The following AKAP12 variants were observed in gnomAD, a reference collection of about 807,000 sequenced individuals.
AKAP12 encodes the protein A-kinase anchoring protein 12.
Under a neutral mutation model 79.9 loss-of-function variants are expected in AKAP12, and 32 were observed. That is an observed-to-expected ratio of 0.40 (90% CI 0.30 to 0.54). The LOEUF (loss-of-function observed/expected upper bound fraction) is 0.54, where lower values mean the gene tolerates loss of function less well. AKAP12 is among the 20% of genes least tolerant of loss of function. The pLI, the probability that AKAP12 is intolerant of heterozygous loss-of-function variation, is 0.48. For synonymous variants in AKAP12, 808 were observed against 857.0 expected, an observed-to-expected ratio of 0.94 and a Z score of 1.00; for missense variants, 2,074 against 2,177.0, an observed-to-expected ratio of 0.95 and a Z score of 0.94.
chr6:151,271,264 C>A (rs1776175673), intron 2 of AKAP12, among the ~76,000 whole-genome samples: 1 of 152,022 alleles, frequency 6.6e-6, no homozygotes, highest in African/African-American at 2.4e-5. Flanking sequence ...AGCATCGTCT[C>A]CTGGGAATAT....
At chr6:151,307,964 C>T (rs1777010892) in intron 3 of AKAP12, among the ~76,000 whole-genome samples, 1 of 152,016 alleles carries the variant, frequency 6.6e-6, no homozygotes, top group African/African-American at 2.4e-5. Flanking sequence ...TCCCCGCGCA[C>T]ATCCCCCGCC....
At chr6:151,264,512 A>G (rs532017356) in intron 2 of AKAP12, among the ~76,000 whole-genome samples, 2 of 151,820 alleles carry the variant, frequency 1.3e-5, no homozygotes, top group South Asian at 4.2e-4. Context: ...CTCTACTAAA[A>G]ATAGAAAAAT....
At chr6:151,335,627 C>T (rs1039171076) in intron 3 of AKAP12, among the ~76,000 whole-genome samples, 4 of 152,106 alleles carry the variant, frequency 2.6e-5, no homozygotes, top group Non-Finnish European at 4.4e-5. Context: ...TGCACCACCA[C>T]GCCCAGCTAA....
chr6:151,283,872 A>T (rs1776451882), intron 2 of AKAP12, among the ~76,000 whole-genome samples: 1 of 152,136 alleles, frequency 6.6e-6, no homozygotes, highest in African/African-American at 2.4e-5. Context: ...AAGACATTTC[A>T]CATCGACCCA....
At chr6:151,343,625 A>G (rs532486142) in intron 3 of AKAP12, among the ~76,000 whole-genome samples, 2 of 152,246 alleles carry the variant, frequency 1.3e-5, no homozygotes, top group African/African-American at 4.8e-5. Flanking sequence ...CTGTACAAAA[A>G]ATACAAAAAT....
Position 151,246,157 on chromosome 6 carries a change from G to A in AKAP12, c.162+5433G>A, listed in dbSNP as rs1398143915. Among the ~76,000 whole-genome samples, 4 of 152,164 alleles carry A rather than the reference G, an allele frequency of 2.6e-5. No homozygotes were observed. The South Asian group carries it at 6.2e-4, about 24-fold the overall frequency. The stretch of plus-strand genomic sequence containing the variant: ...AACCCGGCAAGGTGCGGTGGCTCAC[G>A]CCTGTAATCCCAGCACTTTGGGAGG... On this transcript the variant is annotated intron_variant, in intron 2 of 4. Transcript: ENST00000402676.
chr6:151,316,526 G>T (rs957250889), intron 3 of AKAP12, among the ~76,000 whole-genome samples: 1 of 152,102 alleles, frequency 6.6e-6, no homozygotes, highest in Non-Finnish European at 1.5e-5. Flanking sequence ...TCCTCCTGAG[G>T]CCTCTCTCTT....
At chr6:151,266,394 A>C (rs1450926121) in intron 2 of AKAP12, among the ~76,000 whole-genome samples, 1 of 152,204 alleles carries the variant, frequency 6.6e-6, no homozygotes, top group Non-Finnish European at 1.5e-5. Flanking sequence ...GAGGAAAGAC[A>C]GTGTTAGCTC....
chr6:151,353,391 G>A lies in AKAP12; in HGVS notation c.5000G>A (p.Gly1667Glu), dbSNP rs1307802238. ...EEVVLPSEEE[G>E]GGAGTKSVPE... ...GTCGTCCTCCCATCTGAGGAAGAGG[G>A]AGGTGGAGCTGGAACAAAGTCTGTG... Residue 1667 changes from glycine to glutamate, a missense_variant, in exon 4 of 5, where the codon GGA becomes GAA. This residue lies in a region of AKAP12 where 614 missense variants were observed against 665.6 expected (regional missense o/e 0.92). Transcript: ENST00000402676. 1 of 1,614,190 alleles carries A rather than the reference G, an allele frequency of 6.2e-7. No homozygotes were observed. The highest frequency in any genetic ancestry group is 8.5e-7 in the Non-Finnish European group (1 of 1,180,018).
Position 151,353,752 on chromosome 6 carries a change from G to A in AKAP12, c.*12G>A, listed in dbSNP as rs114607043. 2.6e-4 allele frequency: 394 copies of A among 1,531,932 alleles called. 1 individual carries two copies. In the African/African-American group the frequency reaches 4.8e-3, roughly 19 times the overall value. 94.9% of individuals were successfully genotyped at this position (1,531,932 alleles called of 1,614,324 possible). A position where few individuals can be genotyped will look rare whatever the true frequency, so the allele number is the denominator to read the frequency against. ...TTACAGAATCTTAAAACATCATGCA[G>A]GTAAGCTTCCTTGTCTTCTAAGATA... On this transcript the variant is annotated splice_region_variant and 3_prime_UTR_variant, in exon 4 of 5. Transcript: ENST00000402676.
chr6:151,345,789 C>CT (rs1375127181), intron 3 of AKAP12, among the ~76,000 whole-genome samples: 3 of 127,214 alleles, frequency 2.4e-5, no homozygotes, highest in Non-Finnish European at 4.7e-5. Flanking sequence ...GAGACTCTGT[C>CT]TTAAAAAAAA....
intron 2 of AKAP12, among the ~76,000 whole-genome samples, chr6:151,244,045 A>G (rs1797024698): frequency 6.6e-6 from 1 of 152,086 alleles, no homozygotes; most frequent in South Asian, 2.1e-4. Flanking sequence ...TCAATGCTGG[A>G]CATTGAACAA....
chr6:151,243,803 T>C (rs1391334221), intron 2 of AKAP12, among the ~76,000 whole-genome samples: 2 of 152,096 alleles, frequency 1.3e-5, no homozygotes, highest in Non-Finnish European at 2.9e-5. Flanking sequence ...TGAATGCTGG[T>C]GGTAAGTAAA....
chr6:151,251,959 T>C (rs1797185540), intron 2 of AKAP12, among the ~76,000 whole-genome samples: 1 of 152,158 alleles, frequency 6.6e-6, no homozygotes, highest in Non-Finnish European at 1.5e-5. Flanking sequence ...ATCGCTCTGC[T>C]GCACTTCAGC....
chr6:151,301,892 C>A (rs1450377959), intron 2 of AKAP12, among the ~76,000 whole-genome samples: 1 of 152,162 alleles, frequency 6.6e-6, no homozygotes, highest in African/African-American at 2.4e-5. Context: ...AAATTAGTAT[C>A]TCATAATGTA....
intron 3 of AKAP12, among the ~76,000 whole-genome samples, chr6:151,346,892 TTTC>T (rs1778114711): frequency 6.6e-6 from 1 of 152,254 alleles, no homozygotes; most frequent in South Asian, 2.1e-4. Context: ...TTTATTGACA[TTTC>T]TTTTTTCCTT....
chr6:151,334,822 T>A (rs1305404805), intron 3 of AKAP12, among the ~76,000 whole-genome samples: 3 of 151,826 alleles, frequency 2.0e-5, no homozygotes, highest in East Asian at 3.9e-4. Flanking sequence ...ACGGGGTTTC[T>A]CCGTGGTAGC....
rs1324218036 is a variant in AKAP12, at chr6:151,351,372, C to T, written c.2981C>T (p.Ser994Phe). ...GGTGCCGAAGAAGGAACCGAAGCAT[C>T]TGCTGCTGAAGAGACCACAGAAATG... is the stretch of plus-strand genomic sequence containing the variant. ...PLGAEEGTEASAAEETTEMVS... is the reference protein window; with the variant it reads ...PLGAEEGTEAFAAEETTEMVS... The change falls in exon 4 of 5, where the codon TCT (serine) becomes TTT (phenylalanine). Residue 994 changes from serine (S) to phenylalanine (F), a missense_variant. Ser to Phe is a radical substitution (Grantham distance 155). Around this residue, in one of 3 missense-constraint regions of AKAP12, gnomAD observed 1,428 missense variants for 1,451.0 expected, o/e 0.98. Transcript: ENST00000402676. The surrounding 1 kb of genome is among the most constrained non-coding windows in gnomAD (Gnocchi z 4.4). The T allele has an allele frequency of 6.2e-7, 1 of 1,614,224 alleles. No individual in the cohort carries two copies. Among genetic ancestry groups the T allele is most frequent in the Non-Finnish European group, 8.5e-7 (1 of 1,180,038 alleles).
Position 151,350,118 on chromosome 6 carries a change from T to C in AKAP12, c.1727T>C (p.Ile576Thr), listed in dbSNP as rs1268323353. The change falls in exon 4 of 5, where the codon ATC becomes ACC. Residue 576 changes from isoleucine (I) to threonine (T), a missense_variant. Physicochemically the swap from Ile to Thr is moderately conservative, Grantham distance 89 (BLOSUM62 -1). Coordinates refer to ENST00000402676, the MANE Select transcript of AKAP12 (RefSeq NM_005100.4). The surrounding 1 kb of genome is among the most constrained non-coding windows in gnomAD (Gnocchi z 4.8). ...TCATCCCCTGAGGAGCCCGAGGAGA[T>C]CACGTGTCTGGAAAAGGGCTTAGCC... is the stretch of plus-strand genomic sequence containing the variant. ...SASSPEEPEE[I>T]TCLEKGLAEV... The C allele has an allele frequency of 1.2e-6, 2 of 1,611,842 alleles. No individual in the cohort carries two copies. The highest frequency in any genetic ancestry group is 2.2e-5 in the East Asian group (1 of 44,714).
Sources: gnomAD v4.1 joint callset for allele counts (sites outside exome capture counted in the v4.1 genomes callset) on GRCh38, gnomAD v4.1.1 for gene constraint, gnomAD v4.1.1 regional missense constraint, Gnocchi (gnomAD v3.1) non-coding constraint, MANE v1.5 for transcripts, NCBI Gene and HGNC (gene_info 2026-07-23, HGNC 2026-07-21) for gene names.